ARHGEF12: variants seen among roughly 807,000 people sequenced by gnomAD.
The protein encoded by ARHGEF12 is Rho guanine nucleotide exchange factor 12, also known as KMT2A/ARHGEF12 fusion protein.
A neutral mutation model predicts 211.2 loss-of-function variants in ARHGEF12; 66 were observed. The ratio of observed to expected loss-of-function variants is 0.31; its 90% CI spans 0.26 to 0.38. The LOEUF is 0.38. Among genes scored for constraint, ARHGEF12 ranks in the 10% least tolerant of loss-of-function variants. ARHGEF12 has a pLI of 1.00. For missense variants in ARHGEF12, 1,429 were observed against 1,869.5 expected (o/e 0.76, Z 4.34); for synonymous variants, 592 against 638.4 (o/e 0.93, Z 1.09).
intron 1 of ARHGEF12, among the ~76,000 whole-genome samples, chr11:120,405,583 G>A (rs1029258365): frequency 1.3e-5 from 2 of 152,122 alleles, no homozygotes; most frequent in African/African-American, 4.8e-5. Flanking sequence ...TGAGGATCAC[G>A]ATGACATAGA....
intron 1 of ARHGEF12, among the ~76,000 whole-genome samples, chr11:120,358,477 A>G (rs1013435926): frequency 1.3e-5 from 2 of 152,154 alleles, no homozygotes; most frequent in African/African-American, 4.8e-5. Context: ...AAGAGAACAG[A>G]CATAGTAAGG....
intron 1 of ARHGEF12, among the ~76,000 whole-genome samples, chr11:120,341,374 CTGT>C (rs893968609): frequency 2.8e-5 from 2 of 72,668 alleles, no homozygotes; most frequent in African/African-American, 1.4e-4. Context: ...TTTGTTGTTG[CTGT>C]TGTTGTTTTT....
chr11:120,435,263 T>C (rs1478086926), intron 11 of ARHGEF12, among the ~76,000 whole-genome samples: 1 of 152,130 alleles, frequency 6.6e-6, no homozygotes, highest in African/African-American at 2.4e-5. Flanking sequence ...CAATCCATTT[T>C]CTAATTATAT....
intron 4 of ARHGEF12, among the ~76,000 whole-genome samples, chr11:120,412,134 G>A (rs1160159864): frequency 1.3e-5 from 2 of 152,120 alleles, no homozygotes; most frequent in African/African-American, 2.4e-5. Flanking sequence ...GTGTATGGAT[G>A]CGTTTTCTGA....
intron 1 of ARHGEF12, among the ~76,000 whole-genome samples, chr11:120,377,665 T>C (rs958162931): frequency 1.3e-5 from 2 of 151,926 alleles, no homozygotes; most frequent in Non-Finnish European, 2.9e-5. Context: ...TTAATACTTT[T>C]CAGATGCATC....
intron 1 of ARHGEF12, among the ~76,000 whole-genome samples, chr11:120,375,591 A>G (rs894451118): frequency 3.3e-5 from 5 of 150,646 alleles, no homozygotes; most frequent in African/African-American, 4.9e-5. Flanking sequence ...TTTTGAGAAC[A>G]GGGCTAGATT....
chr11:120,458,249 T>C lies in ARHGEF12; in HGVS notation c.2380+15T>C, dbSNP rs767385120. On this transcript the variant is annotated intron_variant, in intron 25 of 40. Coordinates refer to ENST00000397843, the MANE Select transcript of ARHGEF12 (RefSeq NM_015313.3). ...AGTGATTAATGGTGAGTGTAATCAA[T>C]TTGTTGTTGTTGTTTACAAATACTG... 15 of 1,612,566 alleles carry C rather than the reference T, an allele frequency of 9.3e-6. No individual in the cohort carries two copies. In the African/African-American group the frequency reaches 2.0e-4, roughly 22 times the overall value.
chr11:120,390,844 G>A (rs1011491161), intron 1 of ARHGEF12, among the ~76,000 whole-genome samples: 1 of 152,106 alleles, frequency 6.6e-6, no homozygotes, highest in South Asian at 2.1e-4. Flanking sequence ...ACTTGTATAT[G>A]TTACTTAACT....
intron 11 of ARHGEF12, among the ~76,000 whole-genome samples, chr11:120,434,176 G>A (rs527492227): frequency 1.3e-5 from 2 of 152,268 alleles, no homozygotes; most frequent in East Asian, 3.9e-4. Flanking sequence ...AAAGAAGACT[G>A]CTTGGCTTAA....
intron 37 of ARHGEF12, among the ~76,000 whole-genome samples, chr11:120,479,029 CTTTT>C (rs1947152003): frequency 6.6e-6 from 1 of 152,030 alleles, no homozygotes; most frequent in Non-Finnish European, 1.5e-5. Flanking sequence ...TTTTTTCTTT[CTTTT>C]GATTTGGTAG....
intron 1 of ARHGEF12, among the ~76,000 whole-genome samples, chr11:120,340,893 T>C (rs573637624): frequency 6.6e-6 from 1 of 152,340 alleles, no homozygotes; most frequent in African/African-American, 2.4e-5. Context: ...TTTTTGAAAG[T>C]ACAGTGTTGT....
intron 26 of ARHGEF12, among the ~76,000 whole-genome samples, chr11:120,459,972 A>G (rs571810310): frequency 6.6e-6 from 1 of 152,318 alleles, no homozygotes; most frequent in African/African-American, 2.4e-5. Context: ...TTGGCCTCCA[A>G]AGTGCTGGGA....
intron 6 of ARHGEF12, among the ~76,000 whole-genome samples, chr11:120,423,497 A>T (rs631742): frequency 6.6e-6 from 1 of 152,198 alleles, no homozygotes; most frequent in African/African-American, 2.4e-5. Context: ...ACTGAGGGAC[A>T]GAGAAATAAA....
intron 1 of ARHGEF12, among the ~76,000 whole-genome samples, chr11:120,358,264 T>C (rs1943183184): frequency 6.6e-6 from 1 of 152,160 alleles, no homozygotes; most frequent in African/African-American, 2.4e-5. Context: ...TAACATATAC[T>C]TAAAAGCGAA....
rs1325480620 is a variant in ARHGEF12, at chr11:120,445,409, C to T, written c.1303-13C>T. ...TTAGCGTTGTTACACCTTTTGTTTG[C>T]ATTTCATTTTAGCACCTGAAAGTTT... On this transcript the variant is annotated splice_polypyrimidine_tract_variant and intron_variant, in intron 15 of 40. Coordinates refer to ENST00000397843, the MANE Select transcript of ARHGEF12 (RefSeq NM_015313.3). The T allele has an allele frequency of 3.1e-6, 5 of 1,613,882 alleles. No homozygotes were observed. In the South Asian group the frequency reaches 3.3e-5, roughly 11 times the overall value.
chr11:120,436,151 C>T (rs1418188959), intron 11 of ARHGEF12, among the ~76,000 whole-genome samples: 1 of 152,012 alleles, frequency 6.6e-6, no homozygotes, highest in African/African-American at 2.4e-5. Flanking sequence ...ATGAGTTACT[C>T]TTTTCTTTTG....
chr11:120,379,918 T>G (rs920994463), intron 1 of ARHGEF12, among the ~76,000 whole-genome samples: 1 of 152,178 alleles, frequency 6.6e-6, no homozygotes, highest in African/African-American at 2.4e-5. Context: ...TGTGTTTAGT[T>G]TTCTTGTAAT....
In ARHGEF12 at chr11:120,386,725, A is replaced by G. The variant is rs1367102511; in HGVS notation, c.33-19393A>G. On this transcript the variant is annotated intron_variant, in intron 1 of 40. Coordinates refer to ENST00000397843, the MANE Select transcript of ARHGEF12 (RefSeq NM_015313.3). The stretch of plus-strand genomic sequence containing the variant: ...ATGTAGGTGTTTTACATAAGCTACT[A>G]CATTTAATCCTCATAACAACCTAGT... 2.0e-5 allele frequency among the ~76,000 whole-genome samples: 3 copies of G among 152,154 alleles called. No individual in the cohort carries two copies. In the South Asian group the frequency reaches 6.2e-4, roughly 31 times the overall value.
chr11:120,458,171 G>A lies in ARHGEF12; in HGVS notation c.2317G>A (p.Val773Ile). The change falls in exon 25 of 41, where the codon GTT becomes ATT. Residue 773 changes from valine to isoleucine, a missense_variant. Transcript: ENST00000397843. Reference sequence around the variant, plus strand: ...AGATCCACCCAACTGGCAGCAGCTTGTTAGTCGAGAAGTGTTACTGGGACT... The same window carrying A: ...AGATCCACCCAACTGGCAGCAGCTTATTAGTCGAGAAGTGTTACTGGGACT... ...ETDPPNWQQLVSREVLLGLKP... is the reference protein window; with the variant it reads ...ETDPPNWQQLISREVLLGLKP... The A allele has an allele frequency of 6.2e-7, 1 of 1,612,898 alleles. No homozygotes were observed. The highest frequency in any genetic ancestry group is 8.5e-7 in the Non-Finnish European group (1 of 1,179,716).
Sources: gnomAD v4.1 joint callset for allele counts (sites outside exome capture counted in the v4.1 genomes callset) on GRCh38, gnomAD v4.1.1 for gene constraint, MANE v1.5 for transcripts, NCBI Gene and HGNC (gene_info 2026-07-23, HGNC 2026-07-21) for gene names.